The following GYG1 variants were observed in gnomAD, a reference collection of about 807,000 sequenced individuals.
GYG1 encodes the protein glycogenin-1.
In GYG1, 44 loss-of-function variants were observed where a neutral mutation model predicts 41.9. That is an observed-to-expected ratio of 1.05 (90% CI 0.83 to 1.35). The LOEUF is 1.35. Among genes scored for constraint, GYG1 ranks in the 40% most tolerant of loss-of-function variants. GYG1 has a pLI of 0.00. For missense variants in GYG1, 429 were observed against 418.9 expected (o/e 1.02, Z -0.21); for synonymous variants, 141 against 158.1 (o/e 0.89, Z 0.81).
intron 1 of GYG1, 141 bp downstream of exon 1, chr3:148,991,788 G>A (rs1346018096): frequency 8.3e-6 from 6 of 719,434 alleles, no homozygotes; most frequent in African/African-American, 5.6e-5. Flanking sequence ...GGCCGCAGCC[G>A]GGCGTGTTTC....
At chr3:148,999,521 G>A (rs1712982270) in intron 4 of GYG1, among the ~76,000 whole-genome samples, 1 of 152,160 alleles carries the variant, frequency 6.6e-6, no homozygotes, top group Admixed American at 6.5e-5. Context: ...TACCTTGGGA[G>A]GCTGCTTCTC....
chr3:149,021,549 A>G (rs924441512), intron 5 of GYG1, among the ~76,000 whole-genome samples: 4 of 152,146 alleles, frequency 2.6e-5, no homozygotes, highest in African/African-American at 9.7e-5. Flanking sequence ...TAGGATGGTA[A>G]GTGCTCATGC....
chr3:149,017,582 G>GTTTTTTTTTTT (rs58075146), intron 5 of GYG1, among the ~76,000 whole-genome samples: 3 of 47,382 alleles, frequency 6.3e-5, no homozygotes, highest in African/African-American at 1.1e-4. Flanking sequence ...TTTTATTTAG[G>GTTTTTTTTTTT]TTTTTTTTTT....
At position 148,996,301 on chromosome 3, in the gene GYG1, GAA is replaced by G. The variant is rs1406586749; in HGVS notation, c.146_147del (p.Lys49SerfsTer7). The G allele has an allele frequency of 1.2e-6, 2 of 1,608,712 alleles. No individual in the cohort carries two copies. The highest frequency in any genetic ancestry group is 1.7e-6 in the Non-Finnish European group (2 of 1,176,942). On this transcript the variant is annotated frameshift_variant and splice_region_variant, in exon 3 of 8. Coordinates refer to ENST00000345003, the MANE Select transcript of GYG1 (RefSeq NM_004130.4). LOFTEE classifies it high-confidence loss of function. ...TGGTATTCTGGATTTTATTTTGACAGAAAAGTTTTAGAGACAGTCTTTGATGA... is the reference window on the plus strand; with the variant it reads ...TGGTATTCTGGATTTTATTTTGACAGAAGTTTTAGAGACAGTCTTTGATGA...
At position 149,026,704 on chromosome 3, in the gene GYG1, C is replaced by CT. The variant is rs1213589301; in HGVS notation, c.880-53dup. On this transcript the variant is annotated intron_variant, in intron 7 of 7. Transcript: ENST00000345003. ...TTTTCTGTCTTCAATTTATTGCATT[C>CT]TTTAAAACAGTTTGATTTTCAGCTC... The CT allele has an allele frequency of 3.0e-6, 4 of 1,332,950 alleles. No individual in the cohort carries two copies. In the African/African-American group the frequency reaches 5.8e-5, roughly 19 times the overall value. The allele number at this position is 1,332,950 out of a possible 1,614,324, so 82.6% of individuals were successfully genotyped here.
chr3:149,017,364 C>T (rs550371438), intron 5 of GYG1, among the ~76,000 whole-genome samples: 12 of 151,074 alleles, frequency 7.9e-5, no homozygotes, highest in Admixed American at 5.9e-4. Flanking sequence ...GAATGGCTCT[C>T]AGTAATGTAG....
chr3:149,003,334 T>TA (rs779888754), intron 4 of GYG1, among the ~76,000 whole-genome samples: 103 of 152,188 alleles, frequency 6.8e-4, no homozygotes, highest in Non-Finnish European at 1.2e-3. Flanking sequence ...CAGGCTGGTC[T>TA]TGAACTCCTG....
intron 5 of GYG1, among the ~76,000 whole-genome samples, chr3:149,016,064 C>T (rs945997535): frequency 1.3e-5 from 2 of 151,638 alleles, no homozygotes; most frequent in African/African-American, 2.4e-5. Flanking sequence ...AGATCGAGAC[C>T]GTCCTGGCTA....
intron 1 of GYG1, 31 bp from the exon 2 acceptor site, chr3:148,994,111 T>TA: frequency 6.2e-7 from 1 of 1,603,892 alleles, no homozygotes. Flanking sequence ...TAAGATACTG[T>TA]AATGAGTGTT....
chr3:148,999,936 G>A (rs978221338), intron 4 of GYG1, among the ~76,000 whole-genome samples: 16 of 152,108 alleles, frequency 1.1e-4, no homozygotes, highest in Non-Finnish European at 1.9e-4. Context: ...TGAATATCTC[G>A]CAGGTCATGT....
chr3:148,996,283 C>A lies in GYG1; in HGVS notation c.144-19C>A, dbSNP rs777012497. 8 of 1,590,136 alleles carry A rather than the reference C, an allele frequency of 5.0e-6. No homozygotes were observed. In the Admixed American group the frequency reaches 1.0e-4, roughly 20 times the overall value. On this transcript the variant is annotated intron_variant, in intron 2 of 7. Coordinates refer to ENST00000345003, the MANE Select transcript of GYG1 (RefSeq NM_004130.4). Reference sequence around the variant, plus strand: ...CTGAAAAGATGCTAAGTGTGGTATTCTGGATTTTATTTTGACAGAAAAGTT... The same window carrying A: ...CTGAAAAGATGCTAAGTGTGGTATTATGGATTTTATTTTGACAGAAAAGTT...
intron 1 of GYG1, among the ~76,000 whole-genome samples, chr3:148,991,944 G>A (rs1010260334): frequency 2.0e-3 from 306 of 152,242 alleles, no homozygotes; most frequent in African/African-American, 7.0e-3. Context: ...CCGGCGGGCG[G>A]AGCAGCTGCG....
intron 5 of GYG1, 116 bp downstream of exon 5, chr3:149,009,518 G>A: frequency 9.4e-7 from 1 of 1,063,342 alleles, no homozygotes; most frequent in Non-Finnish European, 1.5e-6. Flanking sequence ...ACACTTTGAG[G>A]AAAGTTTCTC....
chr3:149,025,855 T>A (rs975025757), intron 6 of GYG1, among the ~76,000 whole-genome samples: 3 of 150,638 alleles, frequency 2.0e-5, no homozygotes, highest in Non-Finnish European at 4.4e-5. Context: ...CTATTTTAAG[T>A]TATGTCCAGT....
chr3:149,012,743 C>T (rs1713802087), intron 5 of GYG1, among the ~76,000 whole-genome samples: 2 of 151,776 alleles, frequency 1.3e-5, no homozygotes, highest in South Asian at 2.1e-4. Context: ...TCCTCTTTAA[C>T]ACGGCATAAT....
At chr3:149,000,608 G>A (rs4681476) in intron 4 of GYG1, among the ~76,000 whole-genome samples, 45,399 of 152,110 alleles carry the variant, frequency 0.3, 6,740 homozygotes, top group Admixed American at 0.32. Context: ...TCTTAAGAGT[G>A]CTTGTATAGT....
intron 4 of GYG1, chr3:149,004,130 AGATGC>A (rs1713264014): frequency 6.6e-6 from 1 of 152,270 alleles, no homozygotes; most frequent in Non-Finnish European, 1.5e-5. Flanking sequence ...TTCGCAAAAC[AGATGC>A]GATGTGCCCC....
rs920742617 is a variant in GYG1 at position 149,024,151 on chromosome 3, A to G, written c.707A>G (p.His236Arg). The G allele has an allele frequency of 1.9e-6, 3 of 1,613,768 alleles. No individual in the cohort carries two copies. Among genetic ancestry groups the G allele is most frequent in the Non-Finnish European group, 2.5e-6 (3 of 1,179,626 alleles). ...PKTKSVKSEAHDPNMTHPEFL... is the reference protein window; with the variant it reads ...PKTKSVKSEARDPNMTHPEFL... ...ACAAAAAGTGTCAAAAGTGAGGCCC[A>G]TGATCCCAACATGACTCATCCAGAG... is the stretch of plus-strand genomic sequence containing the variant. Residue 236 changes from histidine (H) to arginine (R), a missense_variant, in exon 6 of 8, where the codon CAT (histidine) becomes CGT (arginine). Coordinates refer to ENST00000345003, the MANE Select transcript of GYG1 (RefSeq NM_004130.4).
rs1714745644 is a variant in GYG1 at position 149,028,026 on chromosome 3, A to C, written c.*1093A>C. On this transcript the variant is annotated 3_prime_UTR_variant, in exon 8 of 8. Transcript: ENST00000345003. ...AAAAGCGTATTTATTAAATTTATAG[A>C]TCATTCTAGGTTGTAAGAGATGGCA... Among the ~76,000 whole-genome samples, 2 of 152,352 alleles carry C rather than the reference A, an allele frequency of 1.3e-5. No individual in the cohort carries two copies. The highest frequency in any genetic ancestry group is 4.8e-5 in the African/African-American group (2 of 41,590).
Sources: gnomAD v4.1 joint callset for allele counts (sites outside exome capture counted in the v4.1 genomes callset) on GRCh38, gnomAD v4.1.1 for gene constraint, MANE v1.5 for transcripts, NCBI Gene and HGNC (gene_info 2026-07-23, HGNC 2026-07-21) for gene names.